Variants in SUCLG2 observed in about 807,000 individuals in gnomAD.
The protein encoded by SUCLG2 is succinate--CoA ligase [GDP-forming] subunit beta, mitochondrial.
SUCLG2 carries 42 observed loss-of-function variants against 47.9 expected under a neutral mutation model. The observed-to-expected ratio is 0.88, with a 90% CI of 0.69 to 1.14. SUCLG2 has a LOEUF of 1.14. SUCLG2 is among the 50% of genes most tolerant of loss of function. SUCLG2 has a pLI of 0.00. For synonymous variants in SUCLG2, 195 were observed against 197.3 expected (o/e 0.99, Z 0.10); for missense variants, 571 against 525.9 (o/e 1.09, Z -0.84).
chr3:67,567,625 A>C (rs1372988963), intron 2 of SUCLG2, among the ~76,000 whole-genome samples: 2 of 152,136 alleles, frequency 1.3e-5, no homozygotes, highest in Non-Finnish European at 2.9e-5. Context: ...TAATCTGAAA[A>C]CTTTTTTGGC....
chr3:67,477,105 G>T (rs574068965), intron 9 of SUCLG2, among the ~76,000 whole-genome samples: 1 of 152,150 alleles, frequency 6.6e-6, no homozygotes, highest in African/African-American at 2.4e-5. Flanking sequence ...TATGCTCAGG[G>T]TTATCACCCT....
At chr3:67,391,758 C>A (rs1281003864) in intron 10 of SUCLG2, among the ~76,000 whole-genome samples, 2 of 152,188 alleles carry the variant, frequency 1.3e-5, no homozygotes, top group African/African-American at 4.8e-5. Flanking sequence ...AGATCCCCAG[C>A]AGAGCCAAGG....
intron 2 of SUCLG2, among the ~76,000 whole-genome samples, chr3:67,565,161 T>C (rs546456549): frequency 6.6e-6 from 1 of 152,314 alleles, no homozygotes; most frequent in East Asian, 1.9e-4. Flanking sequence ...GTGCTGAGTA[T>C]AAGGAAGCAA....
intron 2 of SUCLG2, among the ~76,000 whole-genome samples, chr3:67,605,695 C>T (rs1445748278): frequency 6.6e-6 from 1 of 152,118 alleles, no homozygotes; most frequent in East Asian, 1.9e-4. Context: ...TATAAGCACA[C>T]ACACACAACC....
At chr3:67,384,630 C>A (rs1002323473) in intron 10 of SUCLG2, among the ~76,000 whole-genome samples, 1 of 152,194 alleles carries the variant, frequency 6.6e-6, no homozygotes, top group East Asian at 1.9e-4. Flanking sequence ...TGGTGTTTCC[C>A]AGCTTGCAGT....
At chr3:67,387,495 G>A (rs6766162) in intron 10 of SUCLG2, among the ~76,000 whole-genome samples, 31,557 of 152,046 alleles carry the variant, frequency 0.21, 3,732 homozygotes, top group African/African-American at 0.31. Flanking sequence ...GATCCTTTCT[G>A]TGCCTGAGTT....
At chr3:67,630,488 A>G (rs1700906601) in intron 1 of SUCLG2, among the ~76,000 whole-genome samples, 2 of 152,264 alleles carry the variant, frequency 1.3e-5, no homozygotes, top group Non-Finnish European at 2.9e-5. Flanking sequence ...AATGATTTAA[A>G]TATGGTTTTG....
chr3:67,463,494 T>C (rs562336218), intron 9 of SUCLG2, among the ~76,000 whole-genome samples: 1 of 152,344 alleles, frequency 6.6e-6, no homozygotes, highest in African/African-American at 2.4e-5. Context: ...AAGGAAACTA[T>C]GACAAAGGAT....
intron 9 of SUCLG2, among the ~76,000 whole-genome samples, chr3:67,403,714 C>G (rs1003479935): frequency 1.3e-5 from 2 of 152,040 alleles, no homozygotes; most frequent in African/African-American, 2.4e-5. Flanking sequence ...AGAGCAGGAT[C>G]TGAGATAAAG....
chr3:67,539,943 T>C (rs536593927), intron 2 of SUCLG2, among the ~76,000 whole-genome samples: 1 of 152,066 alleles, frequency 6.6e-6, no homozygotes, highest in Admixed American at 6.6e-5. Flanking sequence ...ATTTGATTCT[T>C]CTCTCTTTTT....
intron 9 of SUCLG2, among the ~76,000 whole-genome samples, chr3:67,455,470 C>T (rs1253173035): frequency 6.6e-6 from 1 of 152,158 alleles, no homozygotes; most frequent in Non-Finnish European, 1.5e-5. Flanking sequence ...TTTCCAGAAT[C>T]AGACTGGAGG....
At chr3:67,438,007 C>T (rs184262609) in intron 9 of SUCLG2, among the ~76,000 whole-genome samples, 10 of 152,174 alleles carry the variant, frequency 6.6e-5, no homozygotes, top group East Asian at 5.8e-4. Flanking sequence ...GATGCACTGT[C>T]GCTTCTGCGA....
chr3:67,649,070 G>C (rs958771466), intron 1 of SUCLG2, among the ~76,000 whole-genome samples: 2 of 152,198 alleles, frequency 1.3e-5, no homozygotes, highest in Non-Finnish European at 2.9e-5. Context: ...GAAAGGCAGG[G>C]CTGGGTAAGG....
At chr3:67,361,110 C>T (rs935479073) in intron 10 of SUCLG2, among the ~76,000 whole-genome samples, 1 of 151,670 alleles carries the variant, frequency 6.6e-6, no homozygotes, top group Non-Finnish European at 1.5e-5. Flanking sequence ...GAGACTAGAC[C>T]AGAAGTCTGG....
chr3:67,397,382 G>C (rs1575669035), intron 10 of SUCLG2, among the ~76,000 whole-genome samples: 1 of 150,694 alleles, frequency 6.6e-6, no homozygotes, highest in South Asian at 2.1e-4. Flanking sequence ...ACCAATAACA[G>C]ACAGAGAGCC....
At chr3:67,638,927 G>T (rs933433122) in intron 1 of SUCLG2, among the ~76,000 whole-genome samples, 1 of 152,172 alleles carries the variant, frequency 6.6e-6, no homozygotes, top group Non-Finnish European at 1.5e-5. Context: ...AGTCTAATGG[G>T]AAGGTTATAG....
chr3:67,423,312 C>T (rs529148643), intron 9 of SUCLG2, among the ~76,000 whole-genome samples: 1 of 152,294 alleles, frequency 6.6e-6, no homozygotes, highest in Non-Finnish European at 1.5e-5. Context: ...TAAGGACTCC[C>T]TGGCCATGCG....
Position 67,473,708 on chromosome 3 carries a change from T to A in SUCLG2, c.1062+22090A>T, listed in dbSNP as rs368631279. 5.3e-5 allele frequency among the ~76,000 whole-genome samples: 8 copies of A among 152,230 alleles called. No individual in the cohort carries two copies. In the East Asian group the frequency reaches 5.8e-4, roughly 11 times the overall value. On this transcript the variant is annotated intron_variant, in intron 9 of 10. Coordinates refer to ENST00000307227, the MANE Select transcript of SUCLG2 (RefSeq NM_003848.4). ...AAGACTTAAGGCTGTTTTCTACAGA[T>A]AACTTCCGAGTAGCAGTACCACCAG...
intron 6 of SUCLG2, among the ~76,000 whole-genome samples, chr3:67,510,539 AAC>A (rs1489128805): frequency 2.0e-5 from 3 of 152,218 alleles, no homozygotes; most frequent in Non-Finnish European, 2.9e-5. Context: ...GTCTATGCCT[AAC>A]ACAGTACGCA....
Sources: allele counts gnomAD v4.1 joint callset (sites outside exome capture counted in the v4.1 genomes callset), GRCh38; gene constraint gnomAD v4.1.1; transcripts MANE v1.5; gene names NCBI Gene and HGNC (gene_info 2026-07-23, HGNC 2026-07-21).